CCDC91: variants seen among roughly 807,000 people sequenced by gnomAD.
The protein encoded by CCDC91 is coiled-coil domain containing 91, also known as coiled-coil domain-containing protein 91.
A neutral mutation model predicts 63.2 loss-of-function variants in CCDC91; 48 were observed. That is an observed-to-expected ratio of 0.76 (90% CI 0.60 to 0.97). CCDC91 has a LOEUF of 0.97. CCDC91 is among the 50% of genes least tolerant of loss of function. CCDC91 has a pLI of 0.00. For synonymous variants in CCDC91, 167 were observed against 165.8 expected (o/e 1.01, Z -0.06); for missense variants, 500 against 494.6 (o/e 1.01, Z -0.10).
At chr12:28,517,121 C>T (rs11049687) in intron 12 of CCDC91, among the ~76,000 whole-genome samples, 1 of 151,952 alleles carries the variant, frequency 6.6e-6, no homozygotes, top group South Asian at 2.1e-4. Context: ...AAAGGCTGTG[C>T]TAATCTATTT....
intron 3 of CCDC91, 27 bp from the exon 4 acceptor site, chr12:28,305,622 C>A: frequency 2.5e-6 from 4 of 1,591,682 alleles, no homozygotes; most frequent in Non-Finnish European, 2.6e-6. Flanking sequence ...TAATCCTATC[C>A]TTTTTGTTGT....
At chr12:28,335,931 G>T (rs1202978347) in intron 6 of CCDC91, among the ~76,000 whole-genome samples, 1 of 148,302 alleles carries the variant, frequency 6.7e-6, no homozygotes, top group Non-Finnish European at 1.5e-5. Flanking sequence ...CTATAGAAAA[G>T]TTTGGACTGT....
At chr12:28,541,575 A>G (rs1201778478) in intron 12 of CCDC91, among the ~76,000 whole-genome samples, 1 of 152,140 alleles carries the variant, frequency 6.6e-6, no homozygotes, top group Non-Finnish European at 1.5e-5. Flanking sequence ...TTGAATTGAT[A>G]AAAATACAGC....
intron 3 of CCDC91, among the ~76,000 whole-genome samples, chr12:28,298,930 C>T (rs1258737289): frequency 6.6e-6 from 1 of 151,406 alleles, no homozygotes; most frequent in African/African-American, 2.4e-5. Flanking sequence ...TCTTTATTTT[C>T]ACTGATAAAT....
chr12:28,365,047 A>G (rs1317346208), intron 7 of CCDC91, among the ~76,000 whole-genome samples: 2 of 152,214 alleles, frequency 1.3e-5, no homozygotes, highest in Non-Finnish European at 2.9e-5. Context: ...AAAAGTATTT[A>G]TATCCTTTGA....
intron 3 of CCDC91, among the ~76,000 whole-genome samples, chr12:28,272,216 CT>C (rs1947818896): frequency 6.6e-6 from 1 of 151,710 alleles, no homozygotes; most frequent in Non-Finnish European, 1.5e-5. Flanking sequence ...ATAAAGATAC[CT>C]TATTTTCTTT....
At chr12:28,356,973 G>C (rs1943567581) in intron 6 of CCDC91, among the ~76,000 whole-genome samples, 1 of 152,164 alleles carries the variant, frequency 6.6e-6, no homozygotes, top group Non-Finnish European at 1.5e-5. Context: ...AGCCATCCGT[G>C]TAGCAGAGGA....
At chr12:28,374,208 T>C (rs1225290248) in intron 7 of CCDC91, among the ~76,000 whole-genome samples, 1 of 152,160 alleles carries the variant, frequency 6.6e-6, no homozygotes, top group East Asian at 1.9e-4. Flanking sequence ...TACTCTGTTA[T>C]CAATATTCTT....
intron 12 of CCDC91, among the ~76,000 whole-genome samples, chr12:28,494,270 GCCT>G (rs1235214622): frequency 1.3e-5 from 2 of 151,630 alleles, no homozygotes; most frequent in African/African-American, 4.8e-5. Context: ...TAACAAGGAA[GCCT>G]CCTTTTTTTC....
chr12:28,281,265 A>G (rs1003703494), intron 3 of CCDC91, among the ~76,000 whole-genome samples: 6 of 152,154 alleles, frequency 3.9e-5, no homozygotes, highest in African/African-American at 1.4e-4. Flanking sequence ...CAGACCCAGT[A>G]GGAGATACAT....
At chr12:28,432,328 C>T (rs1174518904) in intron 8 of CCDC91, among the ~76,000 whole-genome samples, 2 of 152,016 alleles carry the variant, frequency 1.3e-5, no homozygotes, top group African/African-American at 2.4e-5. Flanking sequence ...GAGGGAGGGA[C>T]CTGATCACCT....
intron 3 of CCDC91, among the ~76,000 whole-genome samples, chr12:28,263,162 T>C (rs1946942168): frequency 6.6e-6 from 1 of 152,076 alleles, no homozygotes; most frequent in Non-Finnish European, 1.5e-5. Context: ...CATTAACTGC[T>C]ACTTCTTTTG....
Position 28,391,307 on chromosome 12 carries a change from C to T in CCDC91, c.658C>T (p.Leu220=). ...LSIIVDEYKA[L]LQSSVKQQVE... ...TGACTTTTTTGCTTGTTTTCAGGCA[C>T]TACTGCAGTCTTCAGTTAAGCAACA... Residue 220 remains leucine (L), a synonymous_variant, in exon 8 of 13, where the codon CTA becomes TTA. Transcript: ENST00000536442. The T allele has an allele frequency of 2.5e-6, 4 of 1,604,622 alleles. No homozygotes were observed. The highest frequency in any genetic ancestry group is 1.1e-5 in the South Asian group (1 of 90,702).
intron 7 of CCDC91, among the ~76,000 whole-genome samples, chr12:28,389,746 T>C (rs934922259): frequency 6.6e-6 from 1 of 152,148 alleles, no homozygotes; most frequent in African/African-American, 2.4e-5. Flanking sequence ...AATGATTCTA[T>C]AATACCCTAA....
intron 1 of CCDC91, among the ~76,000 whole-genome samples, chr12:28,235,535 A>G (rs769253137): frequency 1.3e-4 from 19 of 151,518 alleles, no homozygotes; most frequent in Non-Finnish European, 1.9e-4. Context: ...TAAAGTTTCT[A>G]TTTATTAATC....
chr12:28,241,908 A>C (rs1262706134), intron 1 of CCDC91, among the ~76,000 whole-genome samples: 2 of 146,426 alleles, frequency 1.4e-5, no homozygotes, highest in South Asian at 2.4e-4. Flanking sequence ...AGGCAGGAGA[A>C]TTGCTGGAAT....
At chr12:28,445,599 A>C (rs1320187920) in intron 8 of CCDC91, among the ~76,000 whole-genome samples, 1 of 152,230 alleles carries the variant, frequency 6.6e-6, no homozygotes, top group Non-Finnish European at 1.5e-5. Context: ...CTATATGACT[A>C]GCAGTTGTGT....
chr12:28,418,695 C>T (rs2139862774), intron 8 of CCDC91, among the ~76,000 whole-genome samples: 1 of 152,176 alleles, frequency 6.6e-6, no homozygotes, highest in East Asian at 1.9e-4. Flanking sequence ...TTAGATTAAA[C>T]TACTGGATTC....
intron 12 of CCDC91, among the ~76,000 whole-genome samples, chr12:28,505,031 A>G (rs1938528021): frequency 6.6e-6 from 1 of 151,998 alleles, no homozygotes; most frequent in Non-Finnish European, 1.5e-5. Flanking sequence ...CCATTGTAGT[A>G]TCTGCGGAAT....
Sources: allele counts gnomAD v4.1 joint callset (sites outside exome capture counted in the v4.1 genomes callset), GRCh38; gene constraint gnomAD v4.1.1; transcripts MANE v1.5; gene names NCBI Gene and HGNC (gene_info 2026-07-23, HGNC 2026-07-21).